The following LARGE1 variants were observed in gnomAD, a reference collection of about 807,000 sequenced individuals.
LARGE1 encodes the protein xylosyl- and glucuronyltransferase LARGE1.
In LARGE1, 43 loss-of-function variants were observed where a neutral mutation model predicts 87.6. The observed-to-expected ratio is 0.49, with a 90% CI of 0.38 to 0.63. The LOEUF (loss-of-function observed/expected upper bound fraction) is 0.63, where lower values mean the gene tolerates loss of function less well. LARGE1 is among the 30% of genes least tolerant of loss of function. The probability of loss-of-function intolerance (pLI) is 0.00; values close to 1 mark genes in which losing one functional copy is unlikely to be tolerated. For missense variants in LARGE1, 802 were observed against 1,000.2 expected (o/e 0.80, Z 2.67); for synonymous variants, 434 against 394.6 (o/e 1.10, Z -1.18).
intron 12 of LARGE1, among the ~76,000 whole-genome samples, chr22:33,303,654 G>A (rs910188002): frequency 1.3e-5 from 2 of 152,226 alleles, no homozygotes; most frequent in South Asian, 2.1e-4. Flanking sequence ...AAGGAGTCTT[G>A]CTCTGTCACC....
At chr22:33,358,712 G>A (rs1451114271) in intron 9 of LARGE1, among the ~76,000 whole-genome samples, 3 of 152,008 alleles carry the variant, frequency 2.0e-5, no homozygotes, top group Non-Finnish European at 4.4e-5. Context: ...AAATTCAAAT[G>A]TCCTGGCCGG....
intron 10 of LARGE1, among the ~76,000 whole-genome samples, chr22:33,324,407 TAA>T (rs1937064591): frequency 1.3e-5 from 2 of 151,124 alleles, no homozygotes. Context: ...AGTATTTCAT[TAA>T]CAGGGTCTGA....
intron 6 of LARGE1, among the ~76,000 whole-genome samples, chr22:33,448,839 G>A (rs113018227): frequency 2.9e-4 from 44 of 152,226 alleles, no homozygotes; most frequent in African/African-American, 9.4e-4. Context: ...AGTGCACCAC[G>A]ACCATCAAGA....
chr22:33,354,529 C>T (rs1397841210), intron 9 of LARGE1, among the ~76,000 whole-genome samples: 1 of 152,148 alleles, frequency 6.6e-6, no homozygotes, highest in Non-Finnish European at 1.5e-5. Flanking sequence ...TTTCCGTTAA[C>T]CTATCGATGA....
At chr22:33,647,798 C>G (rs1028499173) in intron 3 of LARGE1, among the ~76,000 whole-genome samples, 1 of 152,034 alleles carries the variant, frequency 6.6e-6, no homozygotes, top group African/African-American at 2.4e-5. Flanking sequence ...TGCACTGTCA[C>G]CCAGGCTGGA....
At chr22:33,853,328 C>G (rs572011518) in intron 1 of LARGE1, among the ~76,000 whole-genome samples, 3 of 152,116 alleles carry the variant, frequency 2.0e-5, no homozygotes, top group African/African-American at 7.2e-5. Context: ...CAGAAACAGC[C>G]GCTGCTTTTC....
intron 4 of LARGE1, among the ~76,000 whole-genome samples, chr22:33,616,567 T>C (rs1478076642): frequency 6.7e-6 from 1 of 150,342 alleles, no homozygotes; most frequent in Admixed American, 6.6e-5. Context: ...AAAACTGAAA[T>C]GGCCATCAGC....
the LARGE1 span, chr22:33,110,695 G>T: frequency 2.6e-5 from 4 of 152,224 alleles, no homozygotes; most frequent in African/African-American, 9.7e-5. Flanking sequence ...CCAAGTCCAA[G>T]TCCAAACTGG....
At chr22:33,430,233 G>A (rs920321415) in intron 7 of LARGE1, among the ~76,000 whole-genome samples, 2 of 152,192 alleles carry the variant, frequency 1.3e-5, no homozygotes, top group Non-Finnish European at 2.9e-5. Context: ...GTATAGGCAT[G>A]GCACCTGCCT....
rs538029853 is a variant in LARGE1, at chr22:33,845,629, T to C, written c.-83+74366A>G. Among the ~76,000 whole-genome samples, 8 of 152,284 alleles carry C rather than the reference T, an allele frequency of 5.3e-5. No homozygotes were observed. The South Asian group carries it at 1.5e-3, about 28-fold the overall frequency. On this transcript the variant is annotated intron_variant, in intron 1 of 14. Coordinates refer to ENST00000397394, the MANE Select transcript of LARGE1 (RefSeq NM_133642.5). The stretch of plus-strand genomic sequence containing the variant: ...GGCCTATAATGGACCTTATAATGCA[T>C]ATCTTTAGGAAATGGCTAAGAAATA...
intron 4 of LARGE1, among the ~76,000 whole-genome samples, chr22:33,613,986 C>T (rs2283922): frequency 0.74 from 112,687 of 152,094 alleles, 41,961 homozygotes; most frequent in African/African-American, 0.82. Context: ...CTGGGCCCCC[C>T]ACCCAGCTGT....
chr22:33,495,585 G>A (rs929969337), intron 6 of LARGE1, among the ~76,000 whole-genome samples: 1 of 152,112 alleles, frequency 6.6e-6, no homozygotes, highest in Non-Finnish European at 1.5e-5. Context: ...TGGGCGTGGT[G>A]GCATGTGCCT....
At chr22:33,292,036 A>G (rs1475949294) in intron 12 of LARGE1, among the ~76,000 whole-genome samples, 2 of 152,238 alleles carry the variant, frequency 1.3e-5, no homozygotes, top group East Asian at 3.9e-4. Context: ...GGAGGTTGCA[A>G]TGAGCCGAGA....
intron 11 of LARGE1, among the ~76,000 whole-genome samples, chr22:33,189,689 C>T (rs1471794323): frequency 1.3e-5 from 2 of 152,184 alleles, no homozygotes; most frequent in Non-Finnish European, 1.5e-5. Context: ...AGCCCCATTG[C>T]TGCTGGCATG....
intron 12 of LARGE1, among the ~76,000 whole-genome samples, chr22:33,285,823 A>G (rs931585041): frequency 3.3e-5 from 5 of 152,210 alleles, no homozygotes; most frequent in African/African-American, 1.2e-4. Flanking sequence ...AGAAGGACAC[A>G]GGACATCAGC....
intron 12 of LARGE1, among the ~76,000 whole-genome samples, chr22:33,286,732 A>G (rs1931612753): frequency 6.6e-6 from 1 of 151,074 alleles, no homozygotes; most frequent in Non-Finnish European, 1.5e-5. Context: ...AAAGACACAT[A>G]CACATATATA....
chr22:33,396,613 CTCAT>C (rs888880240), intron 7 of LARGE1, among the ~76,000 whole-genome samples: 27 of 152,188 alleles, frequency 1.8e-4, no homozygotes, highest in Non-Finnish European at 3.2e-4. Flanking sequence ...CATTCACTCA[CTCAT>C]TCATTCAATA....
At chr22:33,102,936 C>A in the LARGE1 span, among the ~76,000 whole-genome samples, 1 of 151,994 alleles carries the variant, frequency 6.6e-6, no homozygotes, top group Non-Finnish European at 1.5e-5. Flanking sequence ...CAGAAACAGA[C>A]CCCGAAAGAA....
rs1000722428 is a variant in LARGE1 at position 33,281,195 on chromosome 22, T to C, written c.1877+2007A>G. 1.2e-4 allele frequency among the ~76,000 whole-genome samples: 18 copies of C among 151,980 alleles called. 1 individual carries two copies. The highest frequency in any genetic ancestry group is 8.5e-4 in the Admixed American group (13 of 15,250). ...CGGACACAGCAGGCCACACCCCAGC[T>C]CTTGTGGCCACAAATGTGGCTGTGA... On this transcript the variant is annotated intron_variant, in intron 13 of 14. Coordinates refer to ENST00000397394, the MANE Select transcript of LARGE1 (RefSeq NM_133642.5).
Sources: gnomAD v4.1 joint callset for allele counts (sites outside exome capture counted in the v4.1 genomes callset) on GRCh38, gnomAD v4.1.1 for gene constraint, MANE v1.5 for transcripts, NCBI Gene and HGNC (gene_info 2026-07-23, HGNC 2026-07-21) for gene names.